The following CTNNA3 variants were observed in gnomAD, a reference collection of about 807,000 sequenced individuals.
The protein encoded by CTNNA3 is catenin alpha 3, also known as catenin alpha-3.
A neutral mutation model predicts 95.7 loss-of-function variants in CTNNA3; 76 were observed. That is an observed-to-expected ratio of 0.79 (90% CI 0.66 to 0.96). CTNNA3 has a LOEUF of 0.96. Ranked by LOEUF, CTNNA3 falls within the 40% of genes least tolerant of loss-of-function variation. The pLI is 0.00. For synonymous variants in CTNNA3, 431 were observed against 374.4 expected (o/e 1.15, Z -1.74); for missense variants, 1,191 against 1,089.8 (o/e 1.09, Z -1.31).
intron 12 of CTNNA3, among the ~76,000 whole-genome samples, chr10:66,357,283 T>C (rs1157734197): frequency 6.6e-6 from 1 of 152,184 alleles, no homozygotes; most frequent in Non-Finnish European, 1.5e-5. Flanking sequence ...CTGCAACAGA[T>C]AGAGGACATT....
chr10:66,713,641 T>C (rs713250), intron 9 of CTNNA3, among the ~76,000 whole-genome samples: 99,429 of 151,874 alleles, frequency 0.65, 34,075 homozygotes, highest in African/African-American at 0.86. Context: ...GTCTCATTCT[T>C]GCTGTTATGT....
Position 67,188,927 on chromosome 10 carries a change from G to C in CTNNA3, c.844-8407C>G, listed in dbSNP as rs897136749. On this transcript the variant is annotated intron_variant, in intron 6 of 17. Coordinates refer to ENST00000433211, the MANE Select transcript of CTNNA3 (RefSeq NM_013266.4). ...AGTCCAGGAGTTCAAGACCAGCCTG[G>C]GCAACATGGCAAAATCTCATCTCTA... Among the ~76,000 whole-genome samples the C allele has an allele frequency of 5.3e-5, 8 of 152,130 alleles. No homozygotes were observed. The East Asian group carries it at 1.5e-3, about 29-fold the overall frequency.
chr10:67,384,200 G>A (rs1213343739), intron 5 of CTNNA3, among the ~76,000 whole-genome samples: 1 of 152,044 alleles, frequency 6.6e-6, no homozygotes, highest in African/African-American at 2.4e-5. Flanking sequence ...TAAAGGTAAA[G>A]ACAAAGTAAG....
chr10:67,382,636 C>T (rs1843991311), intron 5 of CTNNA3, among the ~76,000 whole-genome samples: 1 of 152,056 alleles, frequency 6.6e-6, no homozygotes, highest in Non-Finnish European at 1.5e-5. Flanking sequence ...TGTGTATATG[C>T]CTCCCTGTGT....
At chr10:66,066,038 T>C (rs1451107812) in intron 15 of CTNNA3, among the ~76,000 whole-genome samples, 1 of 151,972 alleles carries the variant, frequency 6.6e-6, no homozygotes, top group Non-Finnish European at 1.5e-5. Context: ...TAATTTTGTA[T>C]TTTTAGTAGA....
intron 3 of CTNNA3, among the ~76,000 whole-genome samples, chr10:67,542,026 G>A (rs1840699399): frequency 6.6e-6 from 1 of 152,086 alleles, no homozygotes; most frequent in African/African-American, 2.4e-5. Context: ...TATTCAGAAA[G>A]AGATCATTTA....
intron 7 of CTNNA3, among the ~76,000 whole-genome samples, chr10:66,915,685 T>C (rs1846450921): frequency 6.7e-6 from 1 of 150,328 alleles, no homozygotes; most frequent in Non-Finnish European, 1.5e-5. Context: ...TTGGAAAGCT[T>C]CGGCATTTGA....
intron 12 of CTNNA3, among the ~76,000 whole-genome samples, chr10:66,339,758 T>C (rs534355632): frequency 9.7e-4 from 148 of 151,962 alleles, no homozygotes; most frequent in African/African-American, 3.4e-3. Context: ...ATCTTATTCA[T>C]AATCCAGCTC....
At position 66,972,700 on chromosome 10, in the gene CTNNA3, A is replaced by AT. The variant is rs56664927; in HGVS notation, c.1048-197177dup. ...ACAATTTAAAGGTTCTGTCAAATAG[A>AT]TTTTTTTTTTTTTTTTTTTTTTTTT... On this transcript the variant is annotated intron_variant, in intron 7 of 17. Transcript: ENST00000433211. Among the ~76,000 whole-genome samples the AT allele has an allele frequency of 3.8e-3, 409 of 108,646 alleles. 5 individuals are homozygous for AT. The highest frequency in any genetic ancestry group is 4.8e-3 in the Middle Eastern group (1 of 210). The allele number at this position is 108,646 out of a possible 152,430, so 71.3% of individuals were successfully genotyped here.
In CTNNA3 at chr10:66,805,016, A is replaced by C. The variant is rs145041468; in HGVS notation, c.1048-29492T>G. Among the ~76,000 whole-genome samples, 36 of 152,242 alleles carry C rather than the reference A, an allele frequency of 2.4e-4. No homozygotes were observed. The East Asian group carries it at 6.2e-3, about 26-fold the overall frequency. ...TCCTACCTGACTTATGTATGTGCTCAGCAGAGGGTGATTACATGATTAGCT... is the reference window on the plus strand; with the variant it reads ...TCCTACCTGACTTATGTATGTGCTCCGCAGAGGGTGATTACATGATTAGCT... On this transcript the variant is annotated intron_variant, in intron 7 of 17. Coordinates refer to ENST00000433211, the MANE Select transcript of CTNNA3 (RefSeq NM_013266.4).
chr10:66,852,277 A>G (rs1843526168), intron 7 of CTNNA3, among the ~76,000 whole-genome samples: 1 of 152,158 alleles, frequency 6.6e-6, no homozygotes, highest in Admixed American at 6.6e-5. Flanking sequence ...CAACTTGAAT[A>G]TAAACAATCT....
intron 5 of CTNNA3, among the ~76,000 whole-genome samples, chr10:67,280,755 T>A (rs1453573770): frequency 1.3e-5 from 2 of 152,144 alleles, no homozygotes; most frequent in Non-Finnish European, 2.9e-5. Context: ...TGGGACCATT[T>A]AATTTCCCTA....
chr10:67,407,068 T>G (rs7077416), intron 5 of CTNNA3, among the ~76,000 whole-genome samples: 10,262 of 152,210 alleles, frequency 0.067, 479 homozygotes, highest in African/African-American at 0.13. Flanking sequence ...ACCCATTCTA[T>G]GAGGCCAGCA....
chr10:67,476,140 G>T (rs1365528194), intron 5 of CTNNA3, among the ~76,000 whole-genome samples: 1 of 152,146 alleles, frequency 6.6e-6, no homozygotes. Context: ...TGGCAACTTG[G>T]CCTATAAAAT....
intron 7 of CTNNA3, among the ~76,000 whole-genome samples, chr10:67,135,037 G>A (rs1589779339): frequency 6.6e-6 from 1 of 152,138 alleles, no homozygotes; most frequent in Non-Finnish European, 1.5e-5. Context: ...GAGGGGTAAT[G>A]TTCCTTAAGG....
intron 13 of CTNNA3, among the ~76,000 whole-genome samples, chr10:66,239,950 T>G (rs2090030399): frequency 6.6e-6 from 1 of 152,110 alleles, no homozygotes; most frequent in South Asian, 2.1e-4. Flanking sequence ...ATTTTATCTA[T>G]ACCATATAGA....
chr10:66,371,890 A>G (rs907739520), intron 12 of CTNNA3, among the ~76,000 whole-genome samples: 1 of 152,186 alleles, frequency 6.6e-6, no homozygotes, highest in Non-Finnish European at 1.5e-5. Flanking sequence ...GTTTAAAGCA[A>G]GTGAGGCAAA....
intron 11 of CTNNA3, among the ~76,000 whole-genome samples, chr10:66,443,240 GACAA>G (rs1212991348): frequency 2.6e-5 from 4 of 152,182 alleles, no homozygotes; most frequent in Admixed American, 6.5e-5. Context: ...GCAGGGCATA[GACAA>G]ACAAAAAGAC....
chr10:67,429,740 A>G (rs539603835), intron 5 of CTNNA3, among the ~76,000 whole-genome samples: 1 of 152,084 alleles, frequency 6.6e-6, no homozygotes, highest in Non-Finnish European at 1.5e-5. Flanking sequence ...TGTCTATCAG[A>G]GCCCAATCCA....
Sources: allele counts gnomAD v4.1 joint callset (sites outside exome capture counted in the v4.1 genomes callset), GRCh38; gene constraint gnomAD v4.1.1; transcripts MANE v1.5; gene names NCBI Gene and HGNC (gene_info 2026-07-23, HGNC 2026-07-21).